The following CNTNAP4 variants were observed in gnomAD, a reference collection of about 807,000 sequenced individuals.
The protein encoded by CNTNAP4 is contactin-associated protein-like 4.
In CNTNAP4, 98 loss-of-function variants were observed where a neutral mutation model predicts 148.4. The ratio of observed to expected loss-of-function variants is 0.66; its 90% CI spans 0.56 to 0.78. The LOEUF (loss-of-function observed/expected upper bound fraction) is 0.78. Ranked by LOEUF, CNTNAP4 falls within the 30% of genes least tolerant of loss-of-function variation. The pLI, the probability that CNTNAP4 is intolerant of heterozygous loss-of-function variation, is 0.00. For synonymous variants in CNTNAP4, 730 were observed against 565.1 expected (o/e 1.29, Z -4.14); for missense variants, 1,935 against 1,565.6 (o/e 1.24, Z -3.98).
At chr16:76,438,877 GTCCT>G (rs1568172086) in intron 4 of CNTNAP4, among the ~76,000 whole-genome samples, 2 of 152,124 alleles carry the variant, frequency 1.3e-5, no homozygotes, top group African/African-American at 4.8e-5. Flanking sequence ...CTGTAACCCT[GTCCT>G]TTCATTCCAT....
In CNTNAP4 at chr16:76,498,333, A is replaced by G. The variant is rs192731282; in HGVS notation, c.2238-234A>G. 6.5e-3 allele frequency among the ~76,000 whole-genome samples: 995 copies of G among 152,262 alleles called. 9 individuals are homozygous for G. Among genetic ancestry groups the G allele is most frequent in the African/African-American group, 0.023 (946 of 41,564 alleles). On this transcript the variant is annotated intron_variant, in intron 14 of 23. Coordinates refer to ENST00000611870, the MANE Select transcript of CNTNAP4 (RefSeq NM_033401.5). The stretch of plus-strand genomic sequence containing the variant: ...ATTTAACCCAGAAAGAGGAGGTTGC[A>G]TTGAGCCAAAACTGTGCTACTGCAC...
chr16:76,346,714 C>T (rs929042913), intron 2 of CNTNAP4, among the ~76,000 whole-genome samples: 1 of 152,110 alleles, frequency 6.6e-6, no homozygotes, highest in Non-Finnish European at 1.5e-5. Flanking sequence ...GTGGTAAAAA[C>T]AAAATTAAGG....
intron 3 of CNTNAP4, among the ~76,000 whole-genome samples, chr16:76,363,120 C>T (rs2013645346): frequency 1.3e-5 from 2 of 149,054 alleles, no homozygotes; most frequent in Non-Finnish European, 3.0e-5. Flanking sequence ...ACTGGGTAAA[C>T]TGGATATCCA....
At chr16:76,291,797 A>G (rs1053776488) in intron 1 of CNTNAP4, among the ~76,000 whole-genome samples, 3 of 152,228 alleles carry the variant, frequency 2.0e-5, no homozygotes, top group African/African-American at 7.2e-5. Context: ...ATCTAATTTT[A>G]AATTTGTAGG....
chr16:76,372,076 C>A (rs184640150), intron 3 of CNTNAP4, among the ~76,000 whole-genome samples: 10 of 151,454 alleles, frequency 6.6e-5, no homozygotes, highest in African/African-American at 2.4e-4. Flanking sequence ...ATTCACCCAT[C>A]TATTTTTGTT....
intron 2 of CNTNAP4, among the ~76,000 whole-genome samples, chr16:76,317,304 CCCAA>C (rs75335938): frequency 4.9e-5 from 7 of 142,240 alleles, no homozygotes; most frequent in Non-Finnish European, 6.0e-5. Context: ...CAAAAAACCC[CCCAA>C]AAAAAAAAAC....
chr16:76,302,483 G>A (rs541921282), intron 1 of CNTNAP4, among the ~76,000 whole-genome samples: 8 of 152,058 alleles, frequency 5.3e-5, no homozygotes, highest in East Asian at 1.9e-4. Context: ...TCTATAACAC[G>A]GTGATTTTCT....
At chr16:76,335,236 A>G (rs773781431) in intron 2 of CNTNAP4, among the ~76,000 whole-genome samples, 2 of 152,152 alleles carry the variant, frequency 1.3e-5, no homozygotes, top group East Asian at 1.9e-4. Flanking sequence ...TGAGATAAAA[A>G]CACATTCAGT....
intron 2 of CNTNAP4, among the ~76,000 whole-genome samples, chr16:76,319,523 A>G (rs1211424744): frequency 1.3e-5 from 2 of 152,064 alleles, no homozygotes; most frequent in African/African-American, 4.8e-5. Flanking sequence ...TGAAATCCTA[A>G]CCCAAATACC....
intron 3 of CNTNAP4, among the ~76,000 whole-genome samples, chr16:76,374,105 A>G (rs930811120): frequency 2.6e-5 from 4 of 152,162 alleles, no homozygotes; most frequent in Non-Finnish European, 5.9e-5. Context: ...TCATACTGAA[A>G]CGTTGTCTCC....
At chr16:76,338,158 T>A (rs1299995123) in intron 2 of CNTNAP4, among the ~76,000 whole-genome samples, 1 of 152,164 alleles carries the variant, frequency 6.6e-6, no homozygotes, top group Non-Finnish European at 1.5e-5. Flanking sequence ...GTCCATGAAA[T>A]CTTCACAATT....
rs11863974 is a variant in CNTNAP4 at position 76,325,547 on chromosome 16, A to T, written c.196+9024A>T. On this transcript the variant is annotated intron_variant, in intron 2 of 23. Transcript: ENST00000611870. Reference sequence around the variant, plus strand: ...GGCGTGGAATTTAATACATTCCTCCAAAAGAAATCTCAATGGAAATGAGAA... The same window carrying T: ...GGCGTGGAATTTAATACATTCCTCCTAAAGAAATCTCAATGGAAATGAGAA... 3.8e-3 allele frequency among the ~76,000 whole-genome samples: 581 copies of T among 152,336 alleles called. 4 individuals carry two copies. Among genetic ancestry groups the T allele is most frequent in the African/African-American group, 0.013 (549 of 41,580 alleles).
intron 4 of CNTNAP4, among the ~76,000 whole-genome samples, chr16:76,444,433 T>C (rs2080160618): frequency 6.6e-6 from 1 of 152,098 alleles, no homozygotes; most frequent in African/African-American, 2.4e-5. Flanking sequence ...TATTTCCACT[T>C]TTTTTTCTAA....
intron 23 of CNTNAP4, among the ~76,000 whole-genome samples, chr16:76,556,422 GA>G (rs1221095349): frequency 1.3e-5 from 2 of 152,252 alleles, no homozygotes; most frequent in Admixed American, 6.5e-5. Context: ...AACAAATCCT[GA>G]CATAGCACTT....
chr16:76,376,146 TAAAGA>T (rs975388125), intron 3 of CNTNAP4, among the ~76,000 whole-genome samples: 1 of 149,584 alleles, frequency 6.7e-6, no homozygotes, highest in African/African-American at 2.5e-5. Context: ...AAGAGGGAAA[TAAAGA>T]AAAGCAAGCA....
intron 2 of CNTNAP4, among the ~76,000 whole-genome samples, chr16:76,323,741 T>C (rs1401965904): frequency 6.6e-6 from 1 of 152,154 alleles, no homozygotes; most frequent in Non-Finnish European, 1.5e-5. Flanking sequence ...GCGTTTTCCA[T>C]CTTACCCTTT....
At chr16:76,348,686 A>T (rs573644837) in intron 2 of CNTNAP4, among the ~76,000 whole-genome samples, 1 of 152,278 alleles carries the variant, frequency 6.6e-6, no homozygotes, top group African/African-American at 2.4e-5. Flanking sequence ...CTGAAGCCTG[A>T]ACGCTGGATT....
At chr16:76,403,193 C>T (rs1249188098) in intron 3 of CNTNAP4, among the ~76,000 whole-genome samples, 1 of 151,678 alleles carries the variant, frequency 6.6e-6, no homozygotes, top group African/African-American at 2.4e-5. Context: ...TCCAGGTTCA[C>T]ACCATTCTCC....
intron 4 of CNTNAP4, among the ~76,000 whole-genome samples, chr16:76,435,607 G>T (rs1249894927): frequency 6.6e-6 from 1 of 152,104 alleles, no homozygotes; most frequent in Non-Finnish European, 1.5e-5. Flanking sequence ...CAAGGTGTTG[G>T]TCAAGGGTAT....
Sources: gnomAD v4.1 joint callset for allele counts (sites outside exome capture counted in the v4.1 genomes callset) on GRCh38, gnomAD v4.1.1 for gene constraint, MANE v1.5 for transcripts, NCBI Gene and HGNC (gene_info 2026-07-23, HGNC 2026-07-21) for gene names.